The following HIPK4 variants were observed in gnomAD, a reference collection of about 807,000 sequenced individuals.
HIPK4 encodes the protein homeodomain-interacting protein kinase 4.
A neutral mutation model predicts 44.8 loss-of-function variants in HIPK4; 26 were observed. That is an observed-to-expected ratio of 0.58 (90% CI 0.43 to 0.80). The LOEUF (loss-of-function observed/expected upper bound fraction) is 0.80, where lower values mean the gene tolerates loss of function less well. HIPK4 is among the 30% of genes least tolerant of loss of function. The pLI is 0.00. For synonymous variants in HIPK4, 340 were observed against 355.5 expected (o/e 0.96, Z 0.49); for missense variants, 729 against 862.6 (o/e 0.85, Z 1.94).
At chr19:40,383,562 C>G (rs181487568) in intron 2 of HIPK4, among the ~76,000 whole-genome samples, 6 of 152,138 alleles carry the variant, frequency 3.9e-5, no homozygotes, top group Admixed American at 3.9e-4. Flanking sequence ...GGACAATAGG[C>G]CCATACCACC....
At position 40,389,257 on chromosome 19, in the gene HIPK4, G is replaced by A. The variant is rs1008121986; in HGVS notation, c.465+181C>T. 3.3e-5 allele frequency among the ~76,000 whole-genome samples: 5 copies of A among 152,002 alleles called. No individual in the cohort carries two copies. Among genetic ancestry groups the A allele is most frequent in the Non-Finnish European group, 7.4e-5 (5 of 68,018 alleles). ...GGATAATCACTTGAACCCAGGAGGC[G>A]GAGTTGCAGTGAGCTGAGATTGTGC... On this transcript the variant is annotated intron_variant, in intron 1 of 3. Coordinates refer to ENST00000291823, the MANE Select transcript of HIPK4 (RefSeq NM_144685.5). This position sits in a 1 kb window ranked among gnomAD's most constrained non-coding sequence, Gnocchi z 4.6.
rs962596474 is a variant in HIPK4, at chr19:40,385,153, C to T, written c.466-1014G>A. 2.0e-4 allele frequency among the ~76,000 whole-genome samples: 30 copies of T among 152,276 alleles called. 1 individual carries two copies. Among genetic ancestry groups the T allele is most frequent in the African/African-American group, 6.7e-4 (28 of 41,566 alleles). On this transcript the variant is annotated intron_variant, in intron 1 of 3. Coordinates refer to ENST00000291823, the MANE Select transcript of HIPK4 (RefSeq NM_144685.5). The stretch of plus-strand genomic sequence containing the variant: ...GCATCCTTTCCAACCTAGACCAACG[C>T]GGGGGTCTCCTCGCTGGTCTCCCTG...
At position 40,381,017 on chromosome 19, in the gene HIPK4, T is replaced by C. The variant is rs1272334881; in HGVS notation, c.974A>G (p.Lys325Arg). ...ADLKSMVELIKRMLTWESHER... is the reference protein window; with the variant it reads ...ADLKSMVELIRRMLTWESHER... Reference sequence around the variant, plus strand: ...GTGTGACTCCCAGGTCAGCATGCGCTTGATCAGCTCCACCATGCTCTTGAG... The same window carrying C: ...GTGTGACTCCCAGGTCAGCATGCGCCTGATCAGCTCCACCATGCTCTTGAG... Residue 325 changes from lysine to arginine, a missense_variant, in exon 3 of 4, where the codon AAG becomes AGG. Physicochemically the swap from Lys to Arg is conservative, Grantham distance 26. Transcript: ENST00000291823. 6.2e-7 allele frequency: 1 copy of C among 1,613,566 alleles called. No homozygotes were observed. The highest frequency in any genetic ancestry group is 1.3e-5 in the African/African-American group (1 of 75,062).
Position 40,389,959 on chromosome 19 carries a change from GC to G in HIPK4, c.-58del. ...AGGCCCCTGTACCACTGGCTCTGCC[GC>G]CCAGGCCTCCCGCCTGGCTGCTGAC... On this transcript the variant is annotated 5_prime_UTR_variant, in exon 1 of 4. Transcript: ENST00000291823. This position sits in a 1 kb window ranked among gnomAD's most constrained non-coding sequence, Gnocchi z 4.6. 1 of 1,392,750 alleles carries G rather than the reference GC, an allele frequency of 7.2e-7. No homozygotes were observed. Among genetic ancestry groups the G allele is most frequent in the Non-Finnish European group, 9.8e-7 (1 of 1,015,700 alleles). 86.3% of individuals were successfully genotyped at this position (1,392,750 alleles called of 1,614,324 possible).
In HIPK4 at chr19:40,384,069, C is replaced by G. The variant is rs764129980; in HGVS notation, c.536G>C (p.Arg179Pro). Residue 179 changes from arginine (R) to proline (P), a missense_variant, in exon 2 of 4, where the codon CGC (arginine) becomes CCC (proline). Around this residue, in one of 2 missense-constraint regions of HIPK4, gnomAD observed 196 missense variants for 295.1 expected, o/e 0.66. Transcript: ENST00000291823. ...RYVKEPYIQS[R>P]FYRAPEILLG... ...CAGGATCTCAGGGGCCCGGTAGAAG[C>G]GCGACTGGATGTATGGCTCCTTCAC... 1 of 1,612,856 alleles carries G rather than the reference C, an allele frequency of 6.2e-7. No individual in the cohort carries two copies.
intron 1 of HIPK4, among the ~76,000 whole-genome samples, chr19:40,385,657 C>CCCTGTTT (rs2079359207): frequency 6.6e-6 from 1 of 151,400 alleles, no homozygotes; most frequent in African/African-American, 2.4e-5. Flanking sequence ...CCCGCCAGGC[C>CCCTGTTT]CCTGTTTTTC....
At chr19:40,383,248 AATTTT>A (rs1323733821) in intron 2 of HIPK4, among the ~76,000 whole-genome samples, 5 of 149,222 alleles carry the variant, frequency 3.4e-5, no homozygotes, top group African/African-American at 1.2e-4. Context: ...GCGCCCAGCT[AATTTT>A]TTGTGTTTTT....
intron 1 of HIPK4, among the ~76,000 whole-genome samples, chr19:40,386,979 C>T (rs2079366194): frequency 6.6e-6 from 1 of 152,068 alleles, no homozygotes; most frequent in Non-Finnish European, 1.5e-5. Flanking sequence ...CTCAGCCTCC[C>T]AAGTAGCTGG....
At position 40,380,853 on chromosome 19, in the gene HIPK4, G is replaced by A. The variant is rs756543762; in HGVS notation, c.1138C>T (p.Pro380Ser). ...RLSLQVEGKP[P>S]TPVVAAEDGT... ...TCTTCTGCGGCCACGACGGGCGTGG[G>A]GGGCTTCCCCTCCACTTGCAGCGAG... The change falls in exon 3 of 4, where the codon CCC (proline) becomes TCC (serine). Residue 380 changes from proline (P) to serine (S), a missense_variant. This residue lies in a region of HIPK4 where 533 missense variants were observed against 567.5 expected (regional missense o/e 0.94). Transcript: ENST00000291823. The surrounding 1 kb of genome is among the most constrained non-coding windows in gnomAD (Gnocchi z 4.2). The A allele has an allele frequency of 3.7e-6, 6 of 1,609,098 alleles. No individual in the cohort carries two copies. The highest frequency in any genetic ancestry group is 1.1e-5 in the South Asian group (1 of 91,018).
In HIPK4 at chr19:40,389,669, G is replaced by C. The variant is rs1350242537; in HGVS notation, c.234C>G (p.Phe78Leu). 1.2e-6 allele frequency: 2 copies of C among 1,614,082 alleles called. No individual in the cohort carries two copies. The highest frequency in any genetic ancestry group is 1.7e-6 in the Non-Finnish European group (2 of 1,180,038). The change falls in exon 1 of 4, where the codon TTC (phenylalanine) becomes TTG (leucine). Residue 78 changes from phenylalanine (F) to leucine (L), a missense_variant. Physicochemically the swap from Phe to Leu is conservative, Grantham distance 22. Transcript: ENST00000291823. The surrounding 1 kb of genome is among the most constrained non-coding windows in gnomAD (Gnocchi z 4.6). Reference protein sequence around the residue: ...EEAHVIRFLEFFHDALKFYLV... With the variant: ...EEAHVIRFLELFHDALKFYLV... ...GGTAGAACTTGAGGGCGTCATGGAA[G>C]AACTCAAGGAAGCGGATGACGTGGG...
chr19:40,380,262 C>T lies in HIPK4; in HGVS notation c.1668+61G>A, dbSNP rs142469479. 7.2e-5 allele frequency: 111 copies of T among 1,538,188 alleles called. No individual in the cohort carries two copies. The highest frequency in any genetic ancestry group is 3.3e-4 in the African/African-American group (24 of 73,726). On this transcript the variant is annotated intron_variant, in intron 3 of 3. Transcript: ENST00000291823. The surrounding 1 kb of genome is among the most constrained non-coding windows in gnomAD (Gnocchi z 4.2). ...TCACACACTAATCATATCCTGAGCACGGGTGAGTGTGTGCTGAGCCTCCTC... is the reference window on the plus strand; with the variant it reads ...TCACACACTAATCATATCCTGAGCATGGGTGAGTGTGTGCTGAGCCTCCTC...
chr19:40,385,191 GC>G (rs1385533549), intron 1 of HIPK4, among the ~76,000 whole-genome samples: 3 of 152,088 alleles, frequency 2.0e-5, no homozygotes, highest in East Asian at 1.9e-4. Flanking sequence ...CCTCTCCTCT[GC>G]CCCCTAGTCT....
chr19:40,382,298 A>G (rs752895117), intron 2 of HIPK4, among the ~76,000 whole-genome samples: 1 of 152,086 alleles, frequency 6.6e-6, no homozygotes, highest in Non-Finnish European at 1.5e-5. Context: ...TTCTAGAGAC[A>G]CGGTCTTGCT....
Position 40,380,805 on chromosome 19 carries a change from C to T in HIPK4, c.1186G>A (p.Ala396Thr). The change falls in exon 3 of 4, where the codon GCT becomes ACT. Residue 396 changes from alanine to threonine, a missense_variant. By Grantham distance (58) the Ala-to-Thr change is moderately conservative (BLOSUM62 0). Around this residue, in one of 2 missense-constraint regions of HIPK4, gnomAD observed 533 missense variants for 567.5 expected, o/e 0.94. Coordinates refer to ENST00000291823, the MANE Select transcript of HIPK4 (RefSeq NM_144685.5). This position sits in a 1 kb window ranked among gnomAD's most constrained non-coding sequence, Gnocchi z 4.2. The part of the protein sequence containing the change: ...AEDGTPYYCL[A>T]EEKEAAGMGS... ...ATACCCGCAGCCTCCTTCTCCTCAG[C>T]CAGACAGTAGTAGGGGGTCCCATCT... is the stretch of plus-strand genomic sequence containing the variant. The T allele has an allele frequency of 6.2e-7, 1 of 1,614,034 alleles. No homozygotes were observed.
chr19:40,379,896 G>T, intron 3 of HIPK4, 127 bp from the exon 4 acceptor site: 2 of 1,003,042 alleles, frequency 2.0e-6, no homozygotes, highest in Non-Finnish European at 2.8e-6. Flanking sequence ...GGCCTTTATT[G>T]CCCCTTTGTA....
chr19:40,388,645 T>A (rs942724455), intron 1 of HIPK4, among the ~76,000 whole-genome samples: 1 of 152,126 alleles, frequency 6.6e-6, no homozygotes, highest in Admixed American at 6.5e-5. Context: ...ACTGGCTCCA[T>A]GACTGCAGTG....
chr19:40,382,204 G>A (rs2079340464), intron 2 of HIPK4, among the ~76,000 whole-genome samples: 1 of 152,028 alleles, frequency 6.6e-6, no homozygotes, highest in Non-Finnish European at 1.5e-5. Context: ...CTGGGTTCAA[G>A]TGATCTTCCC....
In HIPK4 at chr19:40,383,867, G is replaced by T. The variant is rs749410438; in HGVS notation, c.738C>A (p.His246Gln). The T allele has an allele frequency of 2.5e-6, 4 of 1,614,152 alleles. No homozygotes were observed. Among genetic ancestry groups the T allele is most frequent in the Admixed American group, 1.7e-5 (1 of 60,008 alleles). ...GGTGGGGGTTGCGCTTGAAGAAGTGGTGGGCCTTGCAGGCGGCGTGCAACA... is the reference window on the plus strand; with the variant it reads ...GGTGGGGGTTGCGCTTGAAGAAGTGTTGGGCCTTGCAGGCGGCGTGCAACA... ...PHLLHAACKA[H>Q]HFFKRNPHPD... is the part of the protein sequence containing the mutation. The change falls in exon 2 of 4, where the codon CAC (histidine) becomes CAA (glutamine). Residue 246 changes from histidine to glutamine, a missense_variant. His to Gln is a conservative substitution (Grantham distance 24). Around this residue, in one of 2 missense-constraint regions of HIPK4, gnomAD observed 533 missense variants for 567.5 expected, o/e 0.94. Transcript: ENST00000291823.
At chr19:40,381,769 G>A (rs1298625100) in intron 2 of HIPK4, among the ~76,000 whole-genome samples, 4 of 146,188 alleles carry the variant, frequency 2.7e-5, no homozygotes, top group African/African-American at 7.5e-5. Context: ...ACTCACCTGA[G>A]GTCTCACTCA....
Sources: allele counts gnomAD v4.1 joint callset (sites outside exome capture counted in the v4.1 genomes callset), GRCh38; gene constraint gnomAD v4.1.1; regional missense constraint gnomAD v4.1.1; non-coding constraint Gnocchi (gnomAD v3.1); transcripts MANE v1.5; gene names NCBI Gene and HGNC (gene_info 2026-07-23, HGNC 2026-07-21).